TMEM270: variants seen among roughly 807,000 people sequenced by gnomAD.
TMEM270 encodes transmembrane protein 270.
TMEM270 carries 30 observed loss-of-function variants against 29.9 expected under a neutral mutation model. The observed-to-expected ratio is 1.00, with a 90% CI of 0.75 to 1.36. The LOEUF is 1.36. Ranked by LOEUF, TMEM270 falls within the 40% of genes most tolerant of loss-of-function variation. The pLI is 0.00. For synonymous variants in TMEM270, 135 were observed against 139.8 expected (o/e 0.97, Z 0.24); for missense variants, 313 against 307.1 (o/e 1.02, Z -0.14).
intron 1 of TMEM270, among the ~76,000 whole-genome samples, chr7:73,863,228 G>A (rs1194118416): frequency 6.6e-6 from 1 of 151,962 alleles, no homozygotes; most frequent in Non-Finnish European, 1.5e-5. Context: ...GGTCCAGGTG[G>A]GTGGATTGGT....
At chr7:73,864,883 A>G in intron 1 of TMEM270, 110 bp from the exon 2 acceptor site, 1 of 1,008,186 alleles carries the variant, frequency 9.9e-7, no homozygotes. Context: ...AGCCTGGGCA[A>G]CAAGAGTGAA....
chr7:73,861,294 T>TTATGGGGGGG, intron 1 of TMEM270, 28 bp downstream of exon 1: 9 of 878,576 alleles, frequency 1.0e-5, no homozygotes, highest in Non-Finnish European at 1.7e-5. Flanking sequence ...GTAAGTGGGG[T>TTATGGGGGGG]GGGGACCACA....
intron 1 of TMEM270, 188 bp downstream of exon 1, chr7:73,861,454 C>A: frequency 1.5e-6 from 1 of 657,152 alleles, no homozygotes; most frequent in Non-Finnish European, 2.7e-6. Flanking sequence ...ATTTTCTTTT[C>A]TTTTCTTTAT....
chr7:73,861,838 G>T (rs782044442), intron 1 of TMEM270, among the ~76,000 whole-genome samples: 3 of 151,998 alleles, frequency 2.0e-5, no homozygotes, highest in Non-Finnish European at 2.9e-5. Flanking sequence ...TCGCTCTGTT[G>T]CCCAGGCTGG....
chr7:73,865,149 C>G lies in TMEM270; in HGVS notation c.229C>G (p.Leu77Val). 6.2e-7 allele frequency: 1 copy of G among 1,610,436 alleles called. No homozygotes were observed. Among genetic ancestry groups the G allele is most frequent in the Non-Finnish European group, 8.5e-7 (1 of 1,177,302 alleles). The change falls in exon 2 of 3, where the codon CTC (leucine) becomes GTC (valine). Residue 77 changes from leucine to valine, a missense_variant. Transcript: ENST00000320531. The part of the protein sequence containing the change: ...GAAACPLGQA[L>V]WAGLALIQVP... ...TGCAGCCTGCCCCCTGGGCCAGGCTCTCTGGGCTGGGCTGGCTCTGATACA... is the reference window on the plus strand; with the variant it reads ...TGCAGCCTGCCCCCTGGGCCAGGCTGTCTGGGCTGGGCTGGCTCTGATACA...
chr7:73,863,234 T>C (rs941660245), intron 1 of TMEM270, among the ~76,000 whole-genome samples: 2 of 152,052 alleles, frequency 1.3e-5, no homozygotes, highest in East Asian at 1.9e-4. Flanking sequence ...GGTGGGTGGA[T>C]TGGTGTCACT....
chr7:73,862,655 G>A (rs111690759), intron 1 of TMEM270, among the ~76,000 whole-genome samples: 4,731 of 151,804 alleles, frequency 0.031, 219 homozygotes, highest in African/African-American at 0.11. Flanking sequence ...GAGGTCAGGA[G>A]TTCCAGACCA....
intron 1 of TMEM270, chr7:73,861,668 A>G: frequency 3.2e-6 from 1 of 313,998 alleles, no homozygotes; most frequent in Admixed American, 3.9e-5. Flanking sequence ...GCGGGTCTCC[A>G]ACTCTTGGCC....
chr7:73,861,018 C>A (rs781975636), upstream of TMEM270: 2 of 640,528 alleles, frequency 3.1e-6, no homozygotes, highest in Non-Finnish European at 5.6e-6. Flanking sequence ...CCTCCTTGGC[C>A]GTGTTGGGCT....
In TMEM270 at chr7:73,861,190, C is replaced by A. The variant is rs1554639176; in HGVS notation, c.-5C>A. ...CCCAGCTGGAGTAGGTGGGGGAGGC[C>A]AGACATGGAGGCCCTTCCTCCAGTC... On this transcript the variant is annotated 5_prime_UTR_variant, in exon 1 of 3. Transcript: ENST00000320531. 3 of 1,613,644 alleles carry A rather than the reference C, an allele frequency of 1.9e-6. No individual in the cohort carries two copies.
In TMEM270 at chr7:73,865,742, A is replaced by G; in HGVS notation, c.667A>G (p.Thr223Ala). 1 of 1,613,960 alleles carries G rather than the reference A, an allele frequency of 6.2e-7. No individual in the cohort carries two copies. The highest frequency in any genetic ancestry group is 1.1e-5 in the South Asian group (1 of 91,062). Residue 223 changes from threonine (T) to alanine (A), a missense_variant, in exon 3 of 3, where the codon ACC (threonine) becomes GCC (alanine). Coordinates refer to ENST00000320531, the MANE Select transcript of TMEM270 (RefSeq NM_182504.4). ...GCTGCAGGCTGCCTTTGAGCACACG[A>G]CCCAGCTGGCCGAGGCCCAGGAGGT... ...HLLQAAFEHT[T>A]QLAEAQEVEP...
At chr7:73,860,876 G>C (rs568991127), upstream of TMEM270, among the ~76,000 whole-genome samples, 4 of 152,030 alleles carry the variant, frequency 2.6e-5, no homozygotes, top group African/African-American at 9.7e-5. Flanking sequence ...CAAACTCCTG[G>C]CCTCAAGCGA....
rs781871610 is a variant in TMEM270, at chr7:73,865,888, G to A, written c.*15G>A. The A allele has an allele frequency of 6.2e-7, 1 of 1,602,882 alleles. No homozygotes were observed. Among genetic ancestry groups the A allele is most frequent in the Non-Finnish European group, 8.5e-7 (1 of 1,177,084 alleles). On this transcript the variant is annotated 3_prime_UTR_variant, in exon 3 of 3. Coordinates refer to ENST00000320531, the MANE Select transcript of TMEM270 (RefSeq NM_182504.4). ...CCAGAGAATAAATGTATCCCCATCT[G>A]CCTCTCCTGGTCTGGCCTAGCCTAT...
chr7:73,865,538 C>T lies in TMEM270; in HGVS notation c.502-39C>T, dbSNP rs1485456452. ...CAGCCAAGCAGTGTAACCCTATGAG[C>T]TCCTAAGGGCCACCTGCCCATCTGT... On this transcript the variant is annotated intron_variant, in intron 2 of 2. Coordinates refer to ENST00000320531, the MANE Select transcript of TMEM270 (RefSeq NM_182504.4). 3.1e-6 allele frequency: 5 copies of T among 1,599,658 alleles called. No homozygotes were observed. The African/African-American group carries it at 6.7e-5, about 21-fold the overall frequency.
intron 1 of TMEM270, among the ~76,000 whole-genome samples, chr7:73,862,019 G>A (rs1469378271): frequency 1.3e-5 from 2 of 149,522 alleles, no homozygotes; most frequent in East Asian, 2.0e-4. Flanking sequence ...GGATGGTCTC[G>A]ATCTCCTGAC....
rs935125303 is a variant in TMEM270, at chr7:73,862,862, C to A, written c.72+1596C>A. The stretch of plus-strand genomic sequence containing the variant: ...GCAACCCTGGGCAACAAGAGCAAAA[C>A]CCTGTCTCAGAAAAAAAAAAAAAAA... On this transcript the variant is annotated intron_variant, in intron 1 of 2. Coordinates refer to ENST00000320531, the MANE Select transcript of TMEM270 (RefSeq NM_182504.4). 1.1e-4 allele frequency among the ~76,000 whole-genome samples: 11 copies of A among 103,620 alleles called. 1 individual carries two copies. Among genetic ancestry groups the A allele is most frequent in the Non-Finnish European group, 1.9e-5 (1 of 53,084 alleles). 68.0% of individuals were successfully genotyped at this position (103,620 alleles called of 152,430 possible). A position where few individuals can be genotyped will look rare whatever the true frequency, so the allele number is the denominator to read the frequency against.
chr7:73,861,222 A>G lies in TMEM270; in HGVS notation c.28A>G (p.Ser10Gly). 2 of 1,613,298 alleles carry G rather than the reference A, an allele frequency of 1.2e-6. No individual in the cohort carries two copies. Among genetic ancestry groups the G allele is most frequent in the Non-Finnish European group, 1.7e-6 (2 of 1,179,586 alleles). ...GGAGGCCCTTCCTCCAGTCAGATCC[A>G]GCCTTTTGGGGATCCTGTTGCAGGT... MEALPPVRS[S>G]LLGILLQVTR... Residue 10 changes from serine to glycine, a missense_variant, in exon 1 of 3, where the codon AGC becomes GGC. Transcript: ENST00000320531.
chr7:73,865,072 C>T lies in TMEM270; in HGVS notation c.152C>T (p.Ala51Val), dbSNP rs1788871150. 2 of 1,544,018 alleles carry T rather than the reference C, an allele frequency of 1.3e-6. No individual in the cohort carries two copies. Among genetic ancestry groups the T allele is most frequent in the Non-Finnish European group, 1.7e-6 (2 of 1,145,642 alleles). The change falls in exon 2 of 3, where the codon GCC becomes GTC. Residue 51 changes from alanine to valine, a missense_variant. By Grantham distance (64) the Ala-to-Val change is moderately conservative. Coordinates refer to ENST00000320531, the MANE Select transcript of TMEM270 (RefSeq NM_182504.4). The part of the protein sequence containing the change: ...NLFNHWVSGL[A>V]QEARGSCNWQ... ...TTCAACCACTGGGTGTCAGGGCTGG[C>T]CCAGGAGGCCCGGGGGTCCTGTAAC...
intron 1 of TMEM270, among the ~76,000 whole-genome samples, chr7:73,864,146 A>C: frequency 6.9e-6 from 1 of 144,664 alleles, no homozygotes; most frequent in African/African-American, 2.5e-5. Flanking sequence ...AATTAGCTGG[A>C]CTTAGTGAGA....
Sources: gnomAD v4.1 joint callset for allele counts (sites outside exome capture counted in the v4.1 genomes callset) on GRCh38, gnomAD v4.1.1 for gene constraint, MANE v1.5 for transcripts, NCBI Gene and HGNC (gene_info 2026-07-23, HGNC 2026-07-21) for gene names.